GNG7: variants seen among roughly 807,000 people sequenced by gnomAD.
GNG7 encodes guanine nucleotide-binding protein G(I)/G(S)/G(O) subunit gamma-7.
GNG7 carries 1 observed loss-of-function variant against 4.0 expected under a neutral mutation model. The observed-to-expected ratio is 0.25, with a 90% confidence interval of 0.09 to 1.18. GNG7 has a LOEUF of 1.18. Among genes scored for constraint, GNG7 ranks in the 50% most tolerant of loss-of-function variants. The pLI is 0.50. For synonymous variants in GNG7, 34 were observed against 36.9 expected, an observed-to-expected ratio of 0.92 and a Z score of 0.29; for missense variants, 86 against 91.9, an observed-to-expected ratio of 0.94 and a Z score of 0.26.
intron 2 of GNG7, among the ~76,000 whole-genome samples, chr19:2,565,157 A>G (rs1478082115): frequency 6.6e-6 from 1 of 152,198 alleles, no homozygotes; most frequent in African/African-American, 2.4e-5. Flanking sequence ...CTCAGACTAC[A>G]TGGGGAAAAC....
chr19:2,602,144 C>A (rs760257265), intron 2 of GNG7, among the ~76,000 whole-genome samples: 2 of 152,036 alleles, frequency 1.3e-5, no homozygotes, highest in Non-Finnish European at 2.9e-5. Context: ...CGAGACCAGC[C>A]TGGCCAACAT....
intron 2 of GNG7, among the ~76,000 whole-genome samples, chr19:2,596,819 T>A (rs1229862759): frequency 1.3e-5 from 2 of 152,222 alleles, no homozygotes; most frequent in Non-Finnish European, 2.9e-5. Flanking sequence ...TTCTCACTCC[T>A]GCAGTACGAG....
chr19:2,559,706 G>T (rs1360527621), intron 2 of GNG7, among the ~76,000 whole-genome samples: 1 of 152,178 alleles, frequency 6.6e-6, no homozygotes. Flanking sequence ...TAGAGACAGG[G>T]TTTCTCCATG....
At chr19:2,577,650 G>A (rs548905061) in intron 2 of GNG7, among the ~76,000 whole-genome samples, 9 of 146,186 alleles carry the variant, frequency 6.2e-5, no homozygotes, top group East Asian at 4.0e-4. Context: ...GCAGTGAGCC[G>A]AGATCACGCC....
chr19:2,684,955 C>T (rs1458625372), intron 1 of GNG7, among the ~76,000 whole-genome samples: 1 of 152,108 alleles, frequency 6.6e-6, no homozygotes, highest in African/African-American at 2.4e-5. Flanking sequence ...GAAACCTTGT[C>T]TCTACTAAAA....
At position 2,512,771 on chromosome 19, in the gene GNG7, G is replaced by T; in HGVS notation, c.*2251C>A. 1 of 427,148 alleles carries T rather than the reference G, an allele frequency of 2.3e-6. No individual in the cohort carries two copies. The highest frequency in any genetic ancestry group is 3.1e-6 in the Non-Finnish European group (1 of 319,618). The allele number at this position is 427,148 out of a possible 1,614,324, so 26.5% of individuals were successfully genotyped here. ...TTTAAGGAAAAACGGGGTGGGGTGT[G>T]TTTGTTCCCAGTTACCAAGATGGCT... is the stretch of plus-strand genomic sequence containing the variant. On this transcript the variant is annotated 3_prime_UTR_variant, in exon 5 of 5. Coordinates refer to ENST00000382159, the MANE Select transcript of GNG7 (RefSeq NM_052847.3). The surrounding 1 kb of genome is among the most constrained non-coding windows in gnomAD (Gnocchi z 4.7).
rs1311805297 is a variant in GNG7 at position 2,546,057 on chromosome 19, G to C, written c.-38+9092C>G. ...TCAGGGTGAGAAGGCACAGGGCAAC[G>C]ATCAGGCGTTGATGTGTCCCCTGGC... On this transcript the variant is annotated intron_variant, in intron 3 of 4. Coordinates refer to ENST00000382159, the MANE Select transcript of GNG7 (RefSeq NM_052847.3). This position sits in a 1 kb window ranked among gnomAD's most constrained non-coding sequence, Gnocchi z 6.3. Among the ~76,000 whole-genome samples the C allele has an allele frequency of 6.6e-6, 1 of 152,228 alleles. No homozygotes were observed. Among genetic ancestry groups the C allele is most frequent in the Non-Finnish European group, 1.5e-5 (1 of 68,042 alleles).
chr19:2,673,686 T>A, intron 1 of GNG7, among the ~76,000 whole-genome samples: 1 of 123,854 alleles, frequency 8.1e-6, no homozygotes, highest in Admixed American at 8.4e-5. Context: ...AGAGCGAGAC[T>A]CCATCTAAAA....
intron 3 of GNG7, among the ~76,000 whole-genome samples, chr19:2,545,988 C>T (rs888449895): frequency 2.1e-5 from 3 of 142,492 alleles, no homozygotes; most frequent in African/African-American, 2.5e-5. Flanking sequence ...AACAAACAAA[C>T]GAAAAAGAAA....
Position 2,512,946 on chromosome 19 carries a change from GAGGC to G in GNG7, c.*2072_*2075del. ...CTGCCGGCTCCCAGCCCAACCACAG[GAGGC>G]TGCAGTCTCCGGGAGCCTCTGGGGC... On this transcript the variant is annotated 3_prime_UTR_variant, in exon 5 of 5. Transcript: ENST00000382159. The surrounding 1 kb of genome is among the most constrained non-coding windows in gnomAD (Gnocchi z 4.7). 3 of 985,452 alleles carry G rather than the reference GAGGC, an allele frequency of 3.0e-6. No homozygotes were observed. In the South Asian group the frequency reaches 1.4e-4, roughly 46 times the overall value. 61.0% of individuals were successfully genotyped at this position (985,452 alleles called of 1,614,324 possible). A position where few individuals can be genotyped will look rare whatever the true frequency, so the allele number is the denominator to read the frequency against.
chr19:2,557,261 A>G lies in GNG7; in HGVS notation c.-77-2073T>C, dbSNP rs1239965118. ...CGCACATGTGCACACACACGTGCAC[A>G]CACATTTGCACACACAGACACGTGC... On this transcript the variant is annotated intron_variant, in intron 2 of 4. Transcript: ENST00000382159. The surrounding 1 kb of genome is among the most constrained non-coding windows in gnomAD (Gnocchi z 5.1). Among the ~76,000 whole-genome samples the G allele has an allele frequency of 6.7e-6, 1 of 149,880 alleles. No individual in the cohort carries two copies. Among genetic ancestry groups the G allele is most frequent in the Non-Finnish European group, 1.5e-5 (1 of 67,920 alleles).
chr19:2,564,074 T>G (rs954396269), intron 2 of GNG7, among the ~76,000 whole-genome samples: 6 of 151,780 alleles, frequency 4.0e-5, no homozygotes, highest in African/African-American at 1.5e-4. Flanking sequence ...TAAACAGGAG[T>G]GTAGCTAATT....
chr19:2,514,865 G>T lies in GNG7; in HGVS notation c.*157C>A, dbSNP rs561330504. 1 of 623,516 alleles carries T rather than the reference G, an allele frequency of 1.6e-6. No homozygotes were observed. Among genetic ancestry groups the T allele is most frequent in the Non-Finnish European group, 2.7e-6 (1 of 365,792 alleles). The allele number at this position is 623,516 out of a possible 1,614,324, so 38.6% of individuals were successfully genotyped here. A position where few individuals can be genotyped will look rare whatever the true frequency, so the allele number is the denominator to read the frequency against. The stretch of plus-strand genomic sequence containing the variant: ...GGGCGGTGGGAACGCCTTTTTTGGC[G>T]GGGAGAGGGGGGATTTCTTTTGGAA... On this transcript the variant is annotated 3_prime_UTR_variant, in exon 5 of 5. Coordinates refer to ENST00000382159, the MANE Select transcript of GNG7 (RefSeq NM_052847.3).
intron 2 of GNG7, chr19:2,595,338 G>T (rs971915793): frequency 6.6e-6 from 1 of 151,630 alleles, no homozygotes; most frequent in African/African-American, 2.4e-5. Context: ...ATGTTGGTCA[G>T]GCCGGTCTTG....
At chr19:2,539,323 T>TGG (rs148787848) in intron 3 of GNG7, among the ~76,000 whole-genome samples, 1 of 147,606 alleles carries the variant, frequency 6.8e-6, no homozygotes, top group African/African-American at 2.5e-5. Context: ...TTTTTTTTTT[T>TGG]GGATGGTGTT....
intron 2 of GNG7, among the ~76,000 whole-genome samples, chr19:2,556,451 G>A (rs919247730): frequency 6.6e-6 from 1 of 152,082 alleles, no homozygotes; most frequent in Non-Finnish European, 1.5e-5. Context: ...CTCTGAAGCC[G>A]GCCAGGCCCC....
rs8100989 is a variant in GNG7, at chr19:2,516,741, C to T, written c.82-1594G>A. Among the ~76,000 whole-genome samples, 661 of 152,274 alleles carry T rather than the reference C, an allele frequency of 4.3e-3. 5 individuals are homozygous for T. The highest frequency in any genetic ancestry group is 0.015 in the African/African-American group (618 of 41,552). ...TGACACCCGGCCAGGGGGCTGGGCC[C>T]GGTGAGGACGAGATAAGCCCGTCTC... On this transcript the variant is annotated intron_variant, in intron 4 of 4. Coordinates refer to ENST00000382159, the MANE Select transcript of GNG7 (RefSeq NM_052847.3).
Position 2,633,483 on chromosome 19 carries a change from GCGCGCACACACACA to G in GNG7, c.-78+12727_-78+12740del, listed in dbSNP as rs926749219. Among the ~76,000 whole-genome samples the G allele has an allele frequency of 8.7e-5, 7 of 80,384 alleles. No homozygotes were observed. The highest frequency in any genetic ancestry group is 7.7e-3 in the Middle Eastern group (1 of 130). 52.7% of individuals were successfully genotyped at this position (80,384 alleles called of 152,430 possible). ...TGCTTAGCAACAGGCGCGCGCGCGC[GCGCGCACACACACA>G]CACACACACACACACACACACACAC... is the stretch of plus-strand genomic sequence containing the variant. On this transcript the variant is annotated intron_variant, in intron 2 of 4. Transcript: ENST00000382159. The surrounding 1 kb of genome is among the most constrained non-coding windows in gnomAD (Gnocchi z 5.9).
intron 3 of GNG7, among the ~76,000 whole-genome samples, chr19:2,550,153 G>A (rs1443921385): frequency 6.6e-6 from 1 of 152,176 alleles, no homozygotes; most frequent in Non-Finnish European, 1.5e-5. Context: ...CTCACAGGAA[G>A]TGGGTAGAAT....
Sources: gnomAD v4.1 joint callset for allele counts (sites outside exome capture counted in the v4.1 genomes callset) on GRCh38, gnomAD v4.1.1 for gene constraint, Gnocchi (gnomAD v3.1) non-coding constraint, MANE v1.5 for transcripts, NCBI Gene and HGNC (gene_info 2026-07-23, HGNC 2026-07-21) for gene names.